MECOM: variants seen among roughly 807,000 people sequenced by gnomAD.
The protein encoded by MECOM is MDS1 and EVI1 complex locus, also known as histone-lysine N-methyltransferase MECOM.
MECOM carries 13 observed loss-of-function variants against 116.3 expected under a neutral mutation model. That is an observed-to-expected ratio of 0.11 (90% CI 0.07 to 0.18). The LOEUF (loss-of-function observed/expected upper bound fraction) is 0.18. Ranked by LOEUF, MECOM falls within the 10% of genes least tolerant of loss-of-function variation. The pLI, the probability that MECOM is intolerant of heterozygous loss-of-function variation, is 1.00. For missense variants in MECOM, 1,299 were observed against 1,509.0 expected (o/e 0.86, Z 2.31); for synonymous variants, 528 against 535.2 (o/e 0.99, Z 0.19).
chr3:169,520,892 C>T (rs1757268507), intron 1 of MECOM, among the ~76,000 whole-genome samples: 1 of 152,118 alleles, frequency 6.6e-6, no homozygotes, highest in Non-Finnish European at 1.5e-5. Flanking sequence ...ATGGCTGTGG[C>T]CAGATCATTT....
intron 1 of MECOM, among the ~76,000 whole-genome samples, chr3:169,472,559 AGAGG>A (rs1560318331): frequency 1.0e-3 from 67 of 64,874 alleles, no homozygotes; most frequent in South Asian, 1.5e-3. Flanking sequence ...AAAAGAAAAG[AGAGG>A]AGAGGAGAGG....
chr3:169,630,257 G>A (rs937940311), intron 1 of MECOM, among the ~76,000 whole-genome samples: 59 of 152,072 alleles, frequency 3.9e-4, no homozygotes, highest in African/African-American at 1.4e-3. Context: ...TTTGCTTATG[G>A]CACAGGCACA....
intron 1 of MECOM, among the ~76,000 whole-genome samples, chr3:169,564,200 C>G (rs1762966248): frequency 6.6e-6 from 1 of 152,112 alleles, no homozygotes; most frequent in Non-Finnish European, 1.5e-5. Context: ...ATTTCAATCA[C>G]TAAGACGACT....
chr3:169,605,071 G>C (rs781561793), intron 1 of MECOM, among the ~76,000 whole-genome samples: 1 of 152,088 alleles, frequency 6.6e-6, no homozygotes, highest in Middle Eastern at 3.2e-3. Context: ...AACATTATAC[G>C]GATGGAAGGT....
At chr3:169,250,997 A>G (rs1756181277) in intron 2 of MECOM, among the ~76,000 whole-genome samples, 1 of 152,230 alleles carries the variant, frequency 6.6e-6, no homozygotes, top group South Asian at 2.1e-4. Flanking sequence ...TCAAGAATGC[A>G]TAACTAATAA....
At chr3:169,472,523 A>AAAGGAAAGGAAAGG (rs1560317894) in intron 1 of MECOM, among the ~76,000 whole-genome samples, 2 of 64,568 alleles carry the variant, frequency 3.1e-5, no homozygotes, top group African/African-American at 1.5e-4. Flanking sequence ...GAAAGGAAAG[A>AAAGGAAAGGAAAGG]AAAGAAAAGA....
intron 14 of MECOM, among the ~76,000 whole-genome samples, chr3:169,090,802 A>G (rs1353071318): frequency 6.6e-6 from 1 of 151,868 alleles, no homozygotes. Flanking sequence ...AGTAATTGAC[A>G]GCTCACTTAT....
chr3:169,111,496 A>G (rs1727394718), intron 9 of MECOM, among the ~76,000 whole-genome samples: 1 of 152,170 alleles, frequency 6.6e-6, no homozygotes, highest in Non-Finnish European at 1.5e-5. Flanking sequence ...GAAACTTTAC[A>G]AGTACTATTT....
intron 2 of MECOM, among the ~76,000 whole-genome samples, chr3:169,356,475 GTC>G (rs1727297570): frequency 6.6e-6 from 1 of 151,870 alleles, no homozygotes; most frequent in South Asian, 2.1e-4. Flanking sequence ...TTCACTGACT[GTC>G]TGTCTGGGGT....
intron 2 of MECOM, among the ~76,000 whole-genome samples, chr3:169,237,251 A>G (rs1410130407): frequency 6.6e-6 from 1 of 152,220 alleles, no homozygotes; most frequent in Admixed American, 6.5e-5. Flanking sequence ...TGGTCACATT[A>G]AAAATAACAA....
intron 1 of MECOM, among the ~76,000 whole-genome samples, chr3:169,545,658 C>T (rs1760637602): frequency 6.6e-6 from 1 of 152,184 alleles, no homozygotes; most frequent in Non-Finnish European, 1.5e-5. Flanking sequence ...TCAAAGATCA[C>T]AATAAGAAGA....
chr3:169,142,959 C>T (rs1159041926), intron 3 of MECOM, among the ~76,000 whole-genome samples: 1 of 151,722 alleles, frequency 6.6e-6, no homozygotes, highest in Non-Finnish European at 1.5e-5. Flanking sequence ...GTTTATAAAA[C>T]AAAAATTAAT....
chr3:169,151,463 T>C (rs1741159296), intron 2 of MECOM, among the ~76,000 whole-genome samples: 1 of 152,234 alleles, frequency 6.6e-6, no homozygotes, highest in Non-Finnish European at 1.5e-5. Flanking sequence ...TGGCTAAATA[T>C]ACACTAAACT....
chr3:169,398,854 TG>T (rs902662073), intron 1 of MECOM, among the ~76,000 whole-genome samples: 2 of 152,114 alleles, frequency 1.3e-5, no homozygotes, highest in African/African-American at 4.8e-5. Context: ...GTGAAATGTA[TG>T]TGCGGGTGGC....
intron 2 of MECOM, among the ~76,000 whole-genome samples, chr3:169,191,762 GAAA>G (rs1470393067): frequency 4.4e-5 from 6 of 136,294 alleles, no homozygotes; most frequent in Non-Finnish European, 9.6e-5. Flanking sequence ...AAGAAAGAAA[GAAA>G]GAAAGAAAGA....
chr3:169,426,853 A>G (rs2108532317), intron 1 of MECOM, among the ~76,000 whole-genome samples: 1 of 152,320 alleles, frequency 6.6e-6, no homozygotes, highest in Non-Finnish European at 1.5e-5. Context: ...CAGAGAATGT[A>G]GGAGGAAGAG....
At chr3:169,192,635 G>T (rs140132140) in intron 2 of MECOM, among the ~76,000 whole-genome samples, 3,060 of 152,068 alleles carry the variant, frequency 0.02, 37 homozygotes, top group Non-Finnish European at 0.033. Context: ...TTAATCAAGA[G>T]AGTTTAATTA....
chr3:169,146,945 A>G, intron 2 of MECOM: 1 of 1,021,998 alleles, frequency 9.8e-7, no homozygotes, highest in Non-Finnish European at 1.2e-6. Context: ...CGTCTCTAGG[A>G]TCTGCTCTCC....
intron 2 of MECOM, among the ~76,000 whole-genome samples, chr3:169,248,408 A>G (rs548062624): frequency 6.6e-6 from 1 of 152,306 alleles, no homozygotes; most frequent in Admixed American, 6.5e-5. Context: ...AAACTGCTAA[A>G]TCTACCTCTT....
Sources: allele counts gnomAD v4.1 joint callset (sites outside exome capture counted in the v4.1 genomes callset), GRCh38; gene constraint gnomAD v4.1.1; transcripts MANE v1.5; gene names NCBI Gene and HGNC (gene_info 2026-07-23, HGNC 2026-07-21).